The following TMEM273 variants were observed in gnomAD, a reference collection of about 807,000 sequenced individuals.
The protein encoded by TMEM273 is transmembrane protein 273.
Under a neutral mutation model 17.9 loss-of-function variants are expected in TMEM273, and 19 were observed. That is an observed-to-expected ratio of 1.06 (90% CI 0.74 to 1.55). The LOEUF (loss-of-function observed/expected upper bound fraction) is 1.55. Ranked by LOEUF, TMEM273 falls within the 40% of genes most tolerant of loss-of-function variation. TMEM273 has a pLI of 0.00. For missense variants in TMEM273, 194 were observed against 155.6 expected, an observed-to-expected ratio of 1.25 and a Z score of -1.31; for synonymous variants, 66 against 62.0, an observed-to-expected ratio of 1.07 and a Z score of -0.31.
chr10:49,182,519 TATA>T (rs1181010662), intron 1 of TMEM273, among the ~76,000 whole-genome samples: 2 of 152,344 alleles, frequency 1.3e-5, no homozygotes, highest in Admixed American at 6.5e-5. Context: ...TTATCATGAT[TATA>T]ATAATACATA....
chr10:49,165,431 C>T (rs1293965964), intron 4 of TMEM273, 148 bp from the exon 5 acceptor site: 3 of 1,497,560 alleles, frequency 2.0e-6, no homozygotes, highest in African/African-American at 1.4e-5. Flanking sequence ...CCACGTGTGA[C>T]CTCCCAAGTG....
chr10:49,173,875 C>T (rs547062075), intron 1 of TMEM273, among the ~76,000 whole-genome samples: 142 of 152,246 alleles, frequency 9.3e-4, no homozygotes, highest in African/African-American at 3.1e-3. Flanking sequence ...GGGGCGATAG[C>T]GTTTCCCCTG....
intron 1 of TMEM273, among the ~76,000 whole-genome samples, chr10:49,169,940 G>A (rs1846444713): frequency 6.6e-6 from 1 of 152,220 alleles, no homozygotes; most frequent in South Asian, 2.1e-4. Flanking sequence ...GAGGACAGGG[G>A]AGGGCAGGGC....
rs771268325 is a variant in TMEM273, at chr10:49,155,876, A to T, written c.*16T>A. On this transcript the variant is annotated 3_prime_UTR_variant, in exon 7 of 7. Coordinates refer to ENST00000374153, the MANE Select transcript of TMEM273 (RefSeq NM_001288740.3). ...CGGGGCTAGAACCCCTCTTCACGTC[A>T]CTGCTCACCTACAGCTCAATCACCT... is the stretch of plus-strand genomic sequence containing the variant. 4.8e-5 allele frequency: 78 copies of T among 1,614,062 alleles called. No homozygotes were observed. The highest frequency in any genetic ancestry group is 5.9e-6 in the Non-Finnish European group (7 of 1,180,040).
chr10:49,156,189 G>A (rs1388303382), intron 6 of TMEM273: 1 of 1,477,706 alleles, frequency 6.8e-7, no homozygotes, highest in East Asian at 2.9e-5. Flanking sequence ...CATTCCTCGA[G>A]GTTAATAGGC....
At chr10:49,171,501 C>G (rs550085837) in intron 1 of TMEM273, among the ~76,000 whole-genome samples, 1 of 152,338 alleles carries the variant, frequency 6.6e-6, no homozygotes, top group East Asian at 1.9e-4. Flanking sequence ...ACTCGATGGG[C>G]TCTAGATTCT....
intron 1 of TMEM273, among the ~76,000 whole-genome samples, chr10:49,178,912 T>C (rs1257348090): frequency 6.6e-6 from 1 of 152,160 alleles, no homozygotes; most frequent in African/African-American, 2.4e-5. Flanking sequence ...TGTCTGTGTG[T>C]CCCAGTCCTC....
chr10:49,165,485 G>A, intron 4 of TMEM273: 1 of 1,447,666 alleles, frequency 6.9e-7, no homozygotes, highest in Non-Finnish European at 9.1e-7. Context: ...GGTATGCACT[G>A]AAGGGGTCTG....
chr10:49,162,467 C>T (rs1845908330), intron 5 of TMEM273, among the ~76,000 whole-genome samples: 1 of 152,192 alleles, frequency 6.6e-6, no homozygotes, highest in Non-Finnish European at 1.5e-5. Context: ...TGGTCTGCTT[C>T]AAGGTCTGGC....
chr10:49,165,377 G>C, intron 4 of TMEM273, 94 bp from the exon 5 acceptor site: 1 of 1,538,314 alleles, frequency 6.5e-7, no homozygotes, highest in Non-Finnish European at 8.8e-7. Flanking sequence ...CAGAAGAGCA[G>C]GGTACCTTGA....
chr10:49,186,036 A>AAAG (rs147648337), intron 1 of TMEM273, among the ~76,000 whole-genome samples: 3 of 89,116 alleles, frequency 3.4e-5, no homozygotes, highest in Non-Finnish European at 6.5e-5. Context: ...AGAAGAAGAA[A>AAAG]AAGAAGAAGA....
At position 49,154,956 on chromosome 10, in the gene TMEM273, G is replaced by A. The variant is rs543101146; in HGVS notation, c.*936C>T. ...ACACACAAGGAGGGTAGCCCAGTCC[G>A]AGAGATTTCCTGGAAAGTGGAAAGG... On this transcript the variant is annotated 3_prime_UTR_variant, in exon 7 of 7. Coordinates refer to ENST00000374153, the MANE Select transcript of TMEM273 (RefSeq NM_001288740.3). The A allele has an allele frequency of 9.8e-5, 15 of 152,312 alleles. No homozygotes were observed. Among genetic ancestry groups the A allele is most frequent in the African/African-American group, 2.2e-4 (9 of 41,558 alleles). 9.4% of individuals were successfully genotyped at this position (152,312 alleles called of 1,614,324 possible).
chr10:49,187,484 G>A (rs1447481910), intron 1 of TMEM273, among the ~76,000 whole-genome samples: 1 of 152,212 alleles, frequency 6.6e-6, no homozygotes, highest in Non-Finnish European at 1.5e-5. Context: ...GGGAAGGAAC[G>A]TCTTTGTATA....
rs531963458 is a variant in TMEM273 at position 49,165,109 on chromosome 10, A to G, written c.348+96T>C. 5.0e-5 allele frequency: 72 copies of G among 1,427,440 alleles called. 1 individual carries two copies. In the South Asian group the frequency reaches 1.0e-3, roughly 20 times the overall value. The allele number at this position is 1,427,440 out of a possible 1,614,324, so 88.4% of individuals were successfully genotyped here. A position where few individuals can be genotyped will look rare whatever the true frequency, so the allele number is the denominator to read the frequency against. ...ACCCATGCAAAATAGACAAATCAATATATCGTATAGCATCAACTAGTGCAA... is the reference window on the plus strand; with the variant it reads ...ACCCATGCAAAATAGACAAATCAATGTATCGTATAGCATCAACTAGTGCAA... On this transcript the variant is annotated intron_variant, in intron 5 of 6. Transcript: ENST00000374153.
At chr10:49,168,819 C>T (rs1590210251) in intron 1 of TMEM273, among the ~76,000 whole-genome samples, 1 of 152,124 alleles carries the variant, frequency 6.6e-6, no homozygotes, top group East Asian at 1.9e-4. Flanking sequence ...AGATACTGCT[C>T]ACAAACAGCG....
rs775309276 is a variant in TMEM273, at chr10:49,154,852, T to C, written c.*1040A>G. The C allele has an allele frequency of 1.3e-5, 2 of 152,200 alleles. No individual in the cohort carries two copies. Among genetic ancestry groups the C allele is most frequent in the African/African-American group, 2.4e-5 (1 of 41,446 alleles). 9.4% of individuals were successfully genotyped at this position (152,200 alleles called of 1,614,324 possible). A position where few individuals can be genotyped will look rare whatever the true frequency, so the allele number is the denominator to read the frequency against. ...CTAATGAACAGCATCGTTATCAAGTTGGGTAAGAGACGCCCTGGGAGTCCA... is the reference window on the plus strand; with the variant it reads ...CTAATGAACAGCATCGTTATCAAGTCGGGTAAGAGACGCCCTGGGAGTCCA... On this transcript the variant is annotated 3_prime_UTR_variant, in exon 7 of 7. Transcript: ENST00000374153.
At position 49,165,816 on chromosome 10, in the gene TMEM273, C is replaced by G. The variant is rs1336766773; in HGVS notation, c.239-20G>C. ...TGGTGTCTAAACAGAGAAAGCCGGG[C>G]ATTAGGAAGGGGGTCGTGTGACAAG... On this transcript the variant is annotated intron_variant, in intron 3 of 6. Coordinates refer to ENST00000374153, the MANE Select transcript of TMEM273 (RefSeq NM_001288740.3). The G allele has an allele frequency of 1.9e-6, 3 of 1,614,030 alleles. No individual in the cohort carries two copies. In the Admixed American group the frequency reaches 5.0e-5, roughly 27 times the overall value.
intron 6 of TMEM273, among the ~76,000 whole-genome samples, chr10:49,157,658 C>T (rs1437298725): frequency 6.6e-6 from 1 of 152,184 alleles, no homozygotes; most frequent in African/African-American, 2.4e-5. Context: ...ATTTTTAAAA[C>T]TCAGTAAAAT....
chr10:49,158,712 T>C (rs1845663220), intron 6 of TMEM273, among the ~76,000 whole-genome samples: 1 of 152,074 alleles, frequency 6.6e-6, no homozygotes, highest in South Asian at 2.1e-4. Context: ...ATTTAGAACA[T>C]TATAAAAGAG....
Sources: gnomAD v4.1 joint callset for allele counts (sites outside exome capture counted in the v4.1 genomes callset) on GRCh38, gnomAD v4.1.1 for gene constraint, MANE v1.5 for transcripts, NCBI Gene and HGNC (gene_info 2026-07-23, HGNC 2026-07-21) for gene names.